The following SLC39A11 variants were observed in gnomAD, a reference collection of about 807,000 sequenced individuals.
SLC39A11 encodes the protein solute carrier family 39 member 11, also known as zinc transporter ZIP11.
A neutral mutation model predicts 36.1 loss-of-function variants in SLC39A11; 33 were observed. That is an observed-to-expected ratio of 0.91 (90% confidence interval 0.69 to 1.22). The LOEUF (loss-of-function observed/expected upper bound fraction) is 1.22, where lower values mean the gene tolerates loss of function less well. Among genes scored for constraint, SLC39A11 ranks in the 50% most tolerant of loss-of-function variants. SLC39A11 has a pLI of 0.00. For missense variants in SLC39A11, 432 were observed against 430.3 expected (o/e 1.00, Z -0.03); for synonymous variants, 166 against 170.3 (o/e 0.97, Z 0.20).
At chr17:72,690,888 AGAG>A (rs1157052947) in intron 7 of SLC39A11, among the ~76,000 whole-genome samples, 2 of 152,138 alleles carry the variant, frequency 1.3e-5, no homozygotes, top group Admixed American at 6.5e-5. Context: ...CTGGGAGGGG[AGAG>A]GAGAACACAG....
intron 5 of SLC39A11, among the ~76,000 whole-genome samples, chr17:72,907,811 G>C (rs1443898028): frequency 6.6e-6 from 1 of 152,178 alleles, no homozygotes; most frequent in Non-Finnish European, 1.5e-5. Flanking sequence ...ACTCTGCAGG[G>C]AAACAGTCTG....
rs879349280 is a variant in SLC39A11, at chr17:72,773,680, C to CACACACACACACACACACACACAT, written c.602-36962_602-36961insATGTGTGTGTGTGTGTGTGTGTGT. 1.7e-4 allele frequency among the ~76,000 whole-genome samples: 26 copies of CACACACACACACACACACACACAT among 150,030 alleles called. 2 individuals are homozygous for CACACACACACACACACACACACAT. The highest frequency in any genetic ancestry group is 6.4e-4 in the African/African-American group (26 of 40,524). On this transcript the variant is annotated intron_variant, in intron 6 of 9. Transcript: ENST00000255559. ...ACACACACACACACACACACACACC[C>CACACACACACACACACACACACAT]AGTATATAAAGGATATCAGTGTCAT...
At chr17:73,067,218 T>TA (rs1466169716) in intron 3 of SLC39A11, among the ~76,000 whole-genome samples, 1 of 152,254 alleles carries the variant, frequency 6.6e-6, no homozygotes, top group Non-Finnish European at 1.5e-5. Flanking sequence ...GCTGCATAGC[T>TA]AAAAGAACAT....
intron 6 of SLC39A11, among the ~76,000 whole-genome samples, chr17:72,799,525 T>A (rs927066015): frequency 6.6e-6 from 1 of 152,108 alleles, no homozygotes; most frequent in East Asian, 1.9e-4. Context: ...ATTCTTTTCC[T>A]AGCAAGGAAT....
intron 5 of SLC39A11, among the ~76,000 whole-genome samples, chr17:72,892,409 CAAAA>C (rs565811065): frequency 3.0e-5 from 2 of 65,658 alleles, no homozygotes; most frequent in East Asian, 5.1e-4. Context: ...GACTCCATCT[CAAAA>C]AAAAAAAAAA....
At chr17:72,774,633 T>C (rs879380025) in intron 6 of SLC39A11, among the ~76,000 whole-genome samples, 1 of 152,190 alleles carries the variant, frequency 6.6e-6, no homozygotes, top group Non-Finnish European at 1.5e-5. Context: ...CTTGCATTAA[T>C]TGGGCATGTC....
intron 6 of SLC39A11, among the ~76,000 whole-genome samples, chr17:72,844,720 T>C (rs868575677): frequency 6.6e-6 from 1 of 152,142 alleles, no homozygotes; most frequent in Middle Eastern, 3.4e-3. Context: ...GATTCAGAAA[T>C]CTATAACTCT....
chr17:73,063,733 C>T (rs1236895196), intron 3 of SLC39A11, among the ~76,000 whole-genome samples: 1 of 152,182 alleles, frequency 6.6e-6, no homozygotes, highest in Non-Finnish European at 1.5e-5. Context: ...AAACCAATGT[C>T]ACATAATAAT....
intron 6 of SLC39A11, among the ~76,000 whole-genome samples, chr17:72,805,715 T>G (rs1278091808): frequency 2.0e-5 from 3 of 152,132 alleles, no homozygotes; most frequent in Non-Finnish European, 4.4e-5. Flanking sequence ...AGCCAGGAGA[T>G]GTGGCTCAGA....
chr17:72,954,710 G>C (rs1252747997), intron 4 of SLC39A11, among the ~76,000 whole-genome samples: 2 of 150,790 alleles, frequency 1.3e-5, no homozygotes, highest in African/African-American at 4.8e-5. Context: ...TGTCGCCCCT[G>C]ATCAACAGTC....
intron 6 of SLC39A11, among the ~76,000 whole-genome samples, chr17:72,821,193 C>G (rs955576363): frequency 5.3e-5 from 8 of 150,316 alleles, no homozygotes; most frequent in African/African-American, 1.5e-4. Context: ...CCATTATTAC[C>G]AAGGTCCTTA....
intron 6 of SLC39A11, among the ~76,000 whole-genome samples, chr17:72,782,612 T>C (rs2076355106): frequency 7.2e-6 from 1 of 138,798 alleles, no homozygotes; most frequent in Non-Finnish European, 1.5e-5. Flanking sequence ...CTGTTTGAAC[T>C]GGGAGATGGA....
At chr17:72,868,904 T>C (rs1481536837) in intron 5 of SLC39A11, among the ~76,000 whole-genome samples, 4 of 152,202 alleles carry the variant, frequency 2.6e-5, no homozygotes, top group Non-Finnish European at 5.9e-5. Context: ...ACTCTAAAGA[T>C]GGCACCCAAC....
chr17:72,682,971 G>T (rs2071569597), intron 7 of SLC39A11, among the ~76,000 whole-genome samples: 1 of 152,176 alleles, frequency 6.6e-6, no homozygotes, highest in Admixed American at 6.5e-5. Context: ...GCAAACCAAA[G>T]AAAAATGGAA....
At chr17:72,719,947 G>A (rs1406829915) in intron 7 of SLC39A11, among the ~76,000 whole-genome samples, 1 of 152,180 alleles carries the variant, frequency 6.6e-6, no homozygotes, top group Non-Finnish European at 1.5e-5. Context: ...CTGAGAAGGT[G>A]ACTTGTGTGG....
Position 72,875,605 on chromosome 17 carries a change from C to T in SLC39A11, c.431-25801G>A, listed in dbSNP as rs148138509. 1.0e-3 allele frequency among the ~76,000 whole-genome samples: 155 copies of T among 152,282 alleles called. 4 individuals carry two copies. In the East Asian group the frequency reaches 0.025, roughly 24 times the overall value. ...GCACCCATGGCTGTGCATGTTTATG[C>T]GTGTGTCTGTCATCCTACATTCATG... On this transcript the variant is annotated intron_variant, in intron 5 of 9. Transcript: ENST00000255559.
rs16977429 is a variant in SLC39A11 at position 72,909,486 on chromosome 17, C to T, written c.430+38266G>A. Among the ~76,000 whole-genome samples the T allele has an allele frequency of 7.0e-3, 1,059 of 152,196 alleles. 10 individuals carry two copies. The highest frequency in any genetic ancestry group is 0.024 in the African/African-American group (994 of 41,528). ...CTGGAGAAAGCAAACTGGAAAATTA[C>T]GAAGAAAGAACTGGTCCAGGGGTTC... On this transcript the variant is annotated intron_variant, in intron 5 of 9. Coordinates refer to ENST00000255559, the MANE Select transcript of SLC39A11 (RefSeq NM_139177.4).
At chr17:72,746,730 T>A (rs767421493) in intron 6 of SLC39A11, among the ~76,000 whole-genome samples, 4 of 151,486 alleles carry the variant, frequency 2.6e-5, no homozygotes, top group African/African-American at 4.9e-5. Context: ...AGAGCAAGAC[T>A]CCGTCTCAAA....
chr17:72,781,174 C>T (rs1238070270), intron 6 of SLC39A11, among the ~76,000 whole-genome samples: 1 of 152,086 alleles, frequency 6.6e-6, no homozygotes, highest in Non-Finnish European at 1.5e-5. Flanking sequence ...TTATAAGTTC[C>T]ATGAGAAAAC....
Sources: allele counts gnomAD v4.1 joint callset (sites outside exome capture counted in the v4.1 genomes callset), GRCh38; gene constraint gnomAD v4.1.1; transcripts MANE v1.5; gene names NCBI Gene and HGNC (gene_info 2026-07-23, HGNC 2026-07-21).